TENM2: variants seen among roughly 807,000 people sequenced by gnomAD.
TENM2 encodes teneurin transmembrane protein 2.
In TENM2, 52 loss-of-function variants were observed where a neutral mutation model predicts 245.2. That is an observed-to-expected ratio of 0.21 (90% CI 0.17 to 0.27). TENM2 has a LOEUF of 0.27. TENM2 is among the 10% of genes least tolerant of loss of function. The pLI, the probability that TENM2 is intolerant of heterozygous loss-of-function variation, is 1.00. For missense variants in TENM2, 3,046 were observed against 3,666.8 expected, an observed-to-expected ratio of 0.83 and a Z score of 4.37; for synonymous variants, 1,363 against 1,438.9, an observed-to-expected ratio of 0.95 and a Z score of 1.19.
intron 2 of TENM2, among the ~76,000 whole-genome samples, chr5:167,611,243 T>A (rs1308628043): frequency 6.6e-6 from 1 of 152,192 alleles, no homozygotes; most frequent in Admixed American, 6.5e-5. Flanking sequence ...ATCTCTACTT[T>A]TTTTTCTTTA....
At chr5:167,011,040 A>G in the TENM2 span, among the ~76,000 whole-genome samples, 3 of 152,228 alleles carry the variant, frequency 2.0e-5, no homozygotes, top group African/African-American at 7.2e-5. Context: ...CTAATAATAT[A>G]CCTTGGCTAA....
intron 9 of TENM2, among the ~76,000 whole-genome samples, chr5:168,101,881 T>A (rs1793842853): frequency 6.6e-6 from 1 of 152,202 alleles, no homozygotes; most frequent in African/African-American, 2.4e-5. Context: ...TTTAAGCTAC[T>A]TCATTGTTAA....
chr5:167,471,282 T>C (rs1767012625), intron 2 of TENM2, among the ~76,000 whole-genome samples: 1 of 152,170 alleles, frequency 6.6e-6, no homozygotes, highest in Non-Finnish European at 1.5e-5. Context: ...AATCATTTTG[T>C]TTCCCTTTGG....
At chr5:167,059,297 C>G in the TENM2 span, among the ~76,000 whole-genome samples, 1 of 152,098 alleles carries the variant, frequency 6.6e-6, no homozygotes, top group Admixed American at 6.5e-5. Context: ...CCATTTATGT[C>G]AACTTTTTGG....
chr5:168,156,677 G>A (rs1161954999), intron 12 of TENM2, among the ~76,000 whole-genome samples: 6 of 151,764 alleles, frequency 4.0e-5, no homozygotes, highest in Admixed American at 3.9e-4. Flanking sequence ...TTTTGTTAAG[G>A]CAAAAAGCCT....
At chr5:167,932,647 G>A (rs1163919336) in intron 3 of TENM2, among the ~76,000 whole-genome samples, 1 of 152,038 alleles carries the variant, frequency 6.6e-6, no homozygotes, top group South Asian at 2.1e-4. Flanking sequence ...TCTTCCTCCA[G>A]GAAGCCTTCC....
intron 2 of TENM2, among the ~76,000 whole-genome samples, chr5:167,619,205 A>G (rs1383340201): frequency 1.3e-5 from 2 of 152,076 alleles, no homozygotes; most frequent in Non-Finnish European, 2.9e-5. Context: ...TTGTTTTCTC[A>G]TCACTGTATA....
chr5:167,693,974 T>C (rs977977978), intron 2 of TENM2, among the ~76,000 whole-genome samples: 3 of 152,168 alleles, frequency 2.0e-5, no homozygotes, highest in African/African-American at 7.2e-5. Flanking sequence ...TAAAATATAT[T>C]TTGGATGCAC....
At chr5:167,291,379 G>T in intron 1 of TENM2, among the ~76,000 whole-genome samples, 1 of 152,188 alleles carries the variant, frequency 6.6e-6, no homozygotes, top group African/African-American at 2.4e-5. Context: ...ATCTAAGAAA[G>T]CATCTGCCCT....
At chr5:167,792,242 A>G (rs1404865874) in intron 2 of TENM2, among the ~76,000 whole-genome samples, 4 of 151,904 alleles carry the variant, frequency 2.6e-5, no homozygotes, top group African/African-American at 4.8e-5. Flanking sequence ...CCCAGCTCAC[A>G]ATTTTCCTTT....
upstream of TENM2, among the ~76,000 whole-genome samples, chr5:167,282,421 G>A (rs1357325287): frequency 1.3e-5 from 2 of 152,136 alleles, no homozygotes; most frequent in Non-Finnish European, 2.9e-5. Context: ...ATGCAAGTCT[G>A]TAACTCCTTA....
chr5:167,724,554 G>A (rs902921558), intron 2 of TENM2, among the ~76,000 whole-genome samples: 1 of 152,114 alleles, frequency 6.6e-6, no homozygotes, highest in East Asian at 1.9e-4. Context: ...AGAGTAGGAA[G>A]GAGATGACGA....
rs531603214 is a variant in TENM2 at position 167,991,394 on chromosome 5, T to C, written c.948-1550T>C. 4.6e-5 allele frequency among the ~76,000 whole-genome samples: 7 copies of C among 152,330 alleles called. No individual in the cohort carries two copies. In the South Asian group the frequency reaches 1.5e-3, roughly 32 times the overall value. On this transcript the variant is annotated intron_variant, in intron 4 of 28. Coordinates refer to ENST00000518659, the Ensembl canonical transcript of TENM2. ...AAGGTACAAAATAAGACATAGTCCA[T>C]GGCCTCCAGCTGCTCAGATTCTAGC...
chr5:167,279,661 A>C, the TENM2 span, among the ~76,000 whole-genome samples: 1 of 151,616 alleles, frequency 6.6e-6, no homozygotes, highest in Non-Finnish European at 1.5e-5. Flanking sequence ...CTGTTAAGTC[A>C]ATCTACCATC....
At chr5:167,348,878 A>C (rs2127834798) in intron 1 of TENM2, among the ~76,000 whole-genome samples, 1 of 152,310 alleles carries the variant, frequency 6.6e-6, no homozygotes, top group East Asian at 1.9e-4. Context: ...GAATTGCATT[A>C]ACTTCAACTA....
intron 6 of TENM2, among the ~76,000 whole-genome samples, chr5:168,048,456 G>T (rs2152041676): frequency 6.6e-6 from 1 of 152,304 alleles, no homozygotes; most frequent in South Asian, 2.1e-4. Context: ...AGAAGGGAAA[G>T]GAAGCAGCAT....
chr5:167,515,186 C>T (rs1450582473), intron 2 of TENM2, among the ~76,000 whole-genome samples: 2 of 152,038 alleles, frequency 1.3e-5, no homozygotes, highest in Non-Finnish European at 2.9e-5. Flanking sequence ...TTGGCAAATT[C>T]GCTTTGCCAA....
intron 12 of TENM2, among the ~76,000 whole-genome samples, chr5:168,154,196 A>G (rs1364428817): frequency 6.8e-6 from 1 of 146,912 alleles, no homozygotes. Flanking sequence ...CAAAACACCA[A>G]AAAGTAAGAT....
the TENM2 span, among the ~76,000 whole-genome samples, chr5:167,267,728 C>T: frequency 5.3e-5 from 8 of 151,884 alleles, no homozygotes; most frequent in Non-Finnish European, 8.8e-5. Flanking sequence ...TGCTAATGGC[C>T]GTAAAAATAT....
Sources: allele counts gnomAD v4.1 joint callset (sites outside exome capture counted in the v4.1 genomes callset), GRCh38; gene constraint gnomAD v4.1.1; transcripts MANE v1.5; gene names NCBI Gene and HGNC (gene_info 2026-07-23, HGNC 2026-07-21).